The following NELL2 variants were observed in gnomAD, a reference collection of about 807,000 sequenced individuals.
NELL2 encodes protein kinase C-binding protein NELL2.
In NELL2, 41 loss-of-function variants were observed where a neutral mutation model predicts 109.6. The ratio of observed to expected loss-of-function variants is 0.37; its 90% CI spans 0.29 to 0.49. NELL2 has a LOEUF of 0.49. NELL2 is among the 20% of genes least tolerant of loss of function. The pLI is 0.98. For missense variants in NELL2, 900 were observed against 1,008.3 expected, an observed-to-expected ratio of 0.89 and a Z score of 1.45; for synonymous variants, 355 against 344.7, an observed-to-expected ratio of 1.03 and a Z score of -0.33.
At chr12:44,903,886 C>CG (rs1234701678) in intron 1 of NELL2, among the ~76,000 whole-genome samples, 1 of 43,330 alleles carries the variant, frequency 2.3e-5, no homozygotes, top group African/African-American at 1.3e-4. Context: ...TGGGGCCTGT[C>CG]GGGGGGTGGG....
chr12:44,771,296 C>T (rs1343284155), intron 9 of NELL2, among the ~76,000 whole-genome samples: 1 of 151,324 alleles, frequency 6.6e-6, no homozygotes, highest in African/African-American at 2.4e-5. Context: ...AGCTTAGCAA[C>T]TGGTCGATAA....
upstream of NELL2, among the ~76,000 whole-genome samples, chr12:44,917,227 A>G (rs2731059): frequency 0.018 from 2,756 of 152,228 alleles, 96 homozygotes; most frequent in African/African-American, 0.063. Context: ...TCTCCCTAAA[A>G]TTTCCATCCA....
At position 44,904,336 on chromosome 12, in the gene NELL2, C is replaced by T. The variant is rs144217737; in HGVS notation, c.38+9463G>A. On this transcript the variant is annotated intron_variant, in intron 1 of 20. Transcript: ENST00000333837. ...TTTTATTCTAAGAATATGCTTTTCA[C>T]TTCACTTGTTTGGGAAAACCCTTCA... 5.1e-3 allele frequency among the ~76,000 whole-genome samples: 778 copies of T among 152,264 alleles called. 2 individuals are homozygous for T. Among genetic ancestry groups the T allele is most frequent in the Admixed American group, 8.4e-3 (129 of 15,290 alleles).
At chr12:44,543,531 G>A (rs1942668030) in intron 15 of NELL2, among the ~76,000 whole-genome samples, 1 of 152,190 alleles carries the variant, frequency 6.6e-6, no homozygotes, top group South Asian at 2.1e-4. Context: ...TAGGAGGGAA[G>A]TGTCTTGGGA....
intron 15 of NELL2, among the ~76,000 whole-genome samples, chr12:44,590,007 C>T (rs1194619017): frequency 3.3e-5 from 5 of 152,144 alleles, no homozygotes; most frequent in African/African-American, 1.2e-4. Context: ...CTGATACCTA[C>T]CCAACTCCTA....
chr12:44,641,468 G>A (rs757304818), intron 13 of NELL2, among the ~76,000 whole-genome samples: 2 of 151,940 alleles, frequency 1.3e-5, no homozygotes, highest in African/African-American at 2.4e-5. Context: ...ACCTGACAAC[G>A]TAAGAAAACC....
rs1268301593 is a variant in NELL2 at position 44,665,589 on chromosome 12, C to T, written c.1339G>A (p.Gly447Arg). ...YCEDIDECAE[G>R]RHYCRENTMC... ...GTATTTTCACGACAGTAATGGCGCCCTTCAGCACACTCATCGATGTCTGTG... is the reference window on the plus strand; with the variant it reads ...GTATTTTCACGACAGTAATGGCGCCTTTCAGCACACTCATCGATGTCTGTG... Residue 447 changes from glycine (G) to arginine (R), a missense_variant, in exon 13 of 20, where the codon GGG becomes AGG. Gly to Arg is a moderately radical substitution (Grantham distance 125). Coordinates refer to ENST00000429094, the MANE Select transcript of NELL2 (RefSeq NM_001145108.2). 1.9e-6 allele frequency: 3 copies of T among 1,612,954 alleles called. No homozygotes were observed. Among genetic ancestry groups the T allele is most frequent in the South Asian group, 1.1e-5 (1 of 90,974 alleles).
chr12:44,725,337 A>G (rs61094573), intron 9 of NELL2, among the ~76,000 whole-genome samples: 11,418 of 152,168 alleles, frequency 0.075, 1,383 homozygotes, highest in African/African-American at 0.26. Context: ...CAGACAACCT[A>G]CAAAATGAAA....
At position 44,830,052 on chromosome 12, in the gene NELL2, T is replaced by C. The variant is rs971003147; in HGVS notation, c.185-13916A>G. 6.6e-5 allele frequency among the ~76,000 whole-genome samples: 10 copies of C among 152,192 alleles called. 1 individual carries two copies. Among genetic ancestry groups the C allele is most frequent in the African/African-American group, 2.4e-4 (10 of 41,458 alleles). On this transcript the variant is annotated intron_variant, in intron 2 of 19. Coordinates refer to ENST00000429094, the MANE Select transcript of NELL2 (RefSeq NM_001145108.2). ...TTTTGACATGGCTCTAGTAAAATGA[T>C]TAGCATAAAAAGAAGAAAACAAGAT...
At chr12:44,798,151 A>ATT (rs1156970889) in intron 3 of NELL2, among the ~76,000 whole-genome samples, 1 of 150,270 alleles carries the variant, frequency 6.7e-6, no homozygotes, top group East Asian at 2.0e-4. Flanking sequence ...GAATAAAAGC[A>ATT]TTCCCTCAGA....
Position 44,865,408 on chromosome 12 carries a change from C to A in NELL2, c.184+9817G>T, listed in dbSNP as rs542011497. Among the ~76,000 whole-genome samples the A allele has an allele frequency of 1.1e-4, 13 of 123,782 alleles. No homozygotes were observed. In the South Asian group the frequency reaches 3.6e-3, roughly 35 times the overall value. 81.2% of individuals were successfully genotyped at this position (123,782 alleles called of 152,430 possible). A position where few individuals can be genotyped will look rare whatever the true frequency, so the allele number is the denominator to read the frequency against. ...ATTCACAATAGCAAAGACTTGGAAC[C>A]AACCCAAATGTCCAACAATGATAGA... On this transcript the variant is annotated intron_variant, in intron 2 of 19. Coordinates refer to ENST00000429094, the MANE Select transcript of NELL2 (RefSeq NM_001145108.2).
At chr12:44,572,874 T>C (rs1943927917) in intron 15 of NELL2, among the ~76,000 whole-genome samples, 1 of 152,208 alleles carries the variant, frequency 6.6e-6, no homozygotes, top group Admixed American at 6.5e-5. Context: ...TCAGCAATAC[T>C]GCCAGATTTG....
At chr12:44,833,610 G>A (rs978073238) in intron 2 of NELL2, among the ~76,000 whole-genome samples, 2 of 152,126 alleles carry the variant, frequency 1.3e-5, no homozygotes, top group East Asian at 3.9e-4. Flanking sequence ...GAAATTCAAT[G>A]AATTTTCTTT....
intron 15 of NELL2, among the ~76,000 whole-genome samples, chr12:44,558,992 G>A (rs1943364903): frequency 6.6e-6 from 1 of 152,162 alleles, no homozygotes; most frequent in Non-Finnish European, 1.5e-5. Context: ...GGTGGGGATA[G>A]GGGTGTCCAC....
At chr12:44,733,585 T>C (rs1215711610) in intron 9 of NELL2, among the ~76,000 whole-genome samples, 1 of 151,946 alleles carries the variant, frequency 6.6e-6, no homozygotes, top group African/African-American at 2.4e-5. Flanking sequence ...TTCTATTCAA[T>C]GGTTATAGAG....
chr12:44,791,427 G>A (rs1472919650), intron 3 of NELL2, among the ~76,000 whole-genome samples: 1 of 150,344 alleles, frequency 6.7e-6, no homozygotes, highest in Non-Finnish European at 1.5e-5. Flanking sequence ...GAACTTGGGG[G>A]GAAGCCTAGG....
At chr12:44,788,196 G>A (rs1011171858) in intron 3 of NELL2, among the ~76,000 whole-genome samples, 1 of 152,178 alleles carries the variant, frequency 6.6e-6, no homozygotes, top group African/African-American at 2.4e-5. Flanking sequence ...AGACAGAGCA[G>A]TGTGTGGAGG....
chr12:44,791,958 CAA>C (rs35671413), intron 3 of NELL2, among the ~76,000 whole-genome samples: 35 of 145,402 alleles, frequency 2.4e-4, no homozygotes, highest in Middle Eastern at 3.5e-3. Flanking sequence ...TTATTACAGA[CAA>C]AAAAAAAAAG....
intron 3 of NELL2, among the ~76,000 whole-genome samples, chr12:44,804,363 A>G (rs535022300): frequency 6.6e-6 from 1 of 151,950 alleles, no homozygotes; most frequent in Non-Finnish European, 1.5e-5. Context: ...CCACAAAAAT[A>G]TAAGACTTCT....
Sources: allele counts gnomAD v4.1 joint callset (sites outside exome capture counted in the v4.1 genomes callset), GRCh38; gene constraint gnomAD v4.1.1; transcripts MANE v1.5; gene names NCBI Gene and HGNC (gene_info 2026-07-23, HGNC 2026-07-21).